Variants in POT1 observed in about 807,000 individuals in gnomAD.
The protein encoded by POT1 is protection of telomeres protein 1.
A neutral mutation model predicts 78.5 loss-of-function variants in POT1; 47 were observed. The observed-to-expected ratio is 0.60, with a 90% confidence interval of 0.47 to 0.76. POT1 has a LOEUF of 0.76. Ranked by LOEUF, POT1 falls within the 30% of genes least tolerant of loss-of-function variation. POT1 has a pLI of 0.00. For synonymous variants in POT1, 259 were observed against 260.7 expected (o/e 0.99, Z 0.06); for missense variants, 646 against 749.9 (o/e 0.86, Z 1.62).
At chr7:124,912,005 C>A (rs1239387906) in intron 3 of POT1, among the ~76,000 whole-genome samples, 3 of 152,024 alleles carry the variant, frequency 2.0e-5, no homozygotes, top group Non-Finnish European at 1.5e-5. Context: ...ACTCAAGGGC[C>A]AATAATTAAC....
chr7:124,925,103 G>A (rs990959261), intron 2 of POT1, among the ~76,000 whole-genome samples: 2 of 152,038 alleles, frequency 1.3e-5, no homozygotes, highest in African/African-American at 4.8e-5. Flanking sequence ...AGTACTGCAA[G>A]TCCTAGCCAG....
chr7:124,915,364 T>A (rs953124728), intron 3 of POT1, among the ~76,000 whole-genome samples: 3 of 152,182 alleles, frequency 2.0e-5, no homozygotes, highest in Non-Finnish European at 2.9e-5. Context: ...TACATCTATG[T>A]AACATGTTAA....
At chr7:124,843,766 G>A (rs1464450957) in intron 12 of POT1, among the ~76,000 whole-genome samples, 1 of 152,142 alleles carries the variant, frequency 6.6e-6, no homozygotes, top group African/African-American at 2.4e-5. Flanking sequence ...TTAGAAAAGG[G>A]AAATGATGTA....
rs1220705976 is a variant in POT1 at position 124,870,952 on chromosome 7, T to C, written c.214A>G (p.Ile72Val). ...FSGNYEALPIIYKNGDIVRFH... is the reference protein window; with the variant it reads ...FSGNYEALPIVYKNGDIVRFH... ...CGAACAATATCTCCATTTTTATAAATTATTGGAAGGGCTTCATAGTTTCCA... is the reference window on the plus strand; with the variant it reads ...CGAACAATATCTCCATTTTTATAAACTATTGGAAGGGCTTCATAGTTTCCA... The change falls in exon 7 of 19, where the codon ATT (isoleucine) becomes GTT (valine). Residue 72 changes from isoleucine to valine, a missense_variant. Ile to Val is a conservative substitution (Grantham distance 29). Transcript: ENST00000357628. 6.2e-7 allele frequency: 1 copy of C among 1,609,396 alleles called. No homozygotes were observed. The highest frequency in any genetic ancestry group is 8.5e-7 in the Non-Finnish European group (1 of 1,177,412).
chr7:124,888,299 C>T (rs571601392), intron 6 of POT1, among the ~76,000 whole-genome samples: 4 of 152,032 alleles, frequency 2.6e-5, no homozygotes, highest in Non-Finnish European at 4.4e-5. Context: ...TATTTCTAGG[C>T]GCTCTATTCA....
intron 11 of POT1, among the ~76,000 whole-genome samples, chr7:124,847,523 G>A (rs2023705073): frequency 6.6e-6 from 1 of 152,128 alleles, no homozygotes; most frequent in Admixed American, 6.5e-5. Flanking sequence ...AAATAGCAGA[G>A]GCTTTATTGT....
intron 2 of POT1, among the ~76,000 whole-genome samples, chr7:124,922,107 T>A (rs950009187): frequency 6.6e-6 from 1 of 151,630 alleles, no homozygotes; most frequent in East Asian, 1.9e-4. Context: ...ATCTCTATAG[T>A]CCTAAAAGAA....
intron 13 of POT1, 101 bp downstream of exon 13, chr7:124,842,706 T>C: frequency 3.3e-6 from 3 of 906,202 alleles, no homozygotes; most frequent in South Asian, 2.7e-5. Context: ...ATAATATATA[T>C]ATTAACAATT....
At chr7:124,895,880 T>C (rs1796480036) in intron 5 of POT1, among the ~76,000 whole-genome samples, 1 of 151,542 alleles carries the variant, frequency 6.6e-6, no homozygotes, top group South Asian at 2.1e-4. Flanking sequence ...ATATAGGGGA[T>C]AGTTTATATT....
intron 2 of POT1, among the ~76,000 whole-genome samples, chr7:124,922,173 T>C (rs1191648492): frequency 6.6e-6 from 1 of 151,680 alleles, no homozygotes; most frequent in East Asian, 1.9e-4. Flanking sequence ...AAAACAAACA[T>C]GAAATAAAGG....
chr7:124,862,589 G>A (rs2116538657), intron 8 of POT1, among the ~76,000 whole-genome samples: 1 of 152,228 alleles, frequency 6.6e-6, no homozygotes, highest in South Asian at 2.1e-4. Flanking sequence ...TAACTTCTCT[G>A]TTTTTTAATA....
chr7:124,841,058 A>G lies in POT1; in HGVS notation c.1284T>C (p.Asn428=), dbSNP rs141341950. The change falls in exon 14 of 19, where the codon AAT becomes AAC. Residue 428 remains asparagine (N), a synonymous_variant. Transcript: ENST00000357628. ...GAACTGCTACTTTTCGTCCTTTTTG[A>G]TTTTTAGTGGTCCAGATTTTTGAAT... ...LYDSKIWTTK[N]QKGRKVAVHF... 3.6e-5 allele frequency: 58 copies of G among 1,612,518 alleles called. No homozygotes were observed. The highest frequency in any genetic ancestry group is 4.7e-5 in the Non-Finnish European group (55 of 1,179,076).
intron 2 of POT1, among the ~76,000 whole-genome samples, chr7:124,916,011 T>C (rs2116698630): frequency 6.6e-6 from 1 of 152,196 alleles, no homozygotes; most frequent in South Asian, 2.1e-4. Context: ...GAAAACTTAA[T>C]AAAGATTTAG....
intron 3 of POT1, among the ~76,000 whole-genome samples, chr7:124,912,012 T>C (rs1487420522): frequency 1.3e-5 from 2 of 152,150 alleles, no homozygotes; most frequent in African/African-American, 4.8e-5. Context: ...GGCCAATAAT[T>C]AACTGAAGAA....
In POT1 at chr7:124,822,806, G is replaced by A. The variant is rs965152812; in HGVS notation, c.*1156C>T. On this transcript the variant is annotated 3_prime_UTR_variant, in exon 19 of 19. Transcript: ENST00000357628. ...AGGAACTAGAATTTAGAGTTATTAT[G>A]AGCAAAGAAAGTCAGTTATCCAATC... 20 of 174,964 alleles carry A rather than the reference G, an allele frequency of 1.1e-4. No homozygotes were observed. The highest frequency in any genetic ancestry group is 7.7e-4 in the Admixed American group (14 of 18,174). 10.8% of individuals were successfully genotyped at this position (174,964 alleles called of 1,614,324 possible).
At chr7:124,888,185 T>C (rs1409975871) in intron 6 of POT1, among the ~76,000 whole-genome samples, 2 of 152,104 alleles carry the variant, frequency 1.3e-5, no homozygotes, top group East Asian at 3.9e-4. Flanking sequence ...TGCATGTGGA[T>C]ATACAGTTTT....
intron 12 of POT1, 169 bp from the exon 13 acceptor site, chr7:124,843,132 C>G (rs1795070968): frequency 2.2e-6 from 1 of 457,506 alleles, no homozygotes; most frequent in East Asian, 3.5e-5. Context: ...CCAAGGCCCA[C>G]TAGCATAGTG....
At chr7:124,897,293 C>T in intron 4 of POT1, 81 bp from the exon 5 acceptor site, 1 of 463,988 alleles carries the variant, frequency 2.2e-6, no homozygotes, top group Non-Finnish European at 3.8e-6. Flanking sequence ...AGTAAAAGTA[C>T]ACACTTACTT....
At chr7:124,833,263 G>C (rs947408601) in intron 15 of POT1, among the ~76,000 whole-genome samples, 1 of 152,250 alleles carries the variant, frequency 6.6e-6, no homozygotes, top group East Asian at 1.9e-4. Context: ...ATGTTGGAAG[G>C]ACAGAGGGCA....
Sources: allele counts gnomAD v4.1 joint callset (sites outside exome capture counted in the v4.1 genomes callset), GRCh38; gene constraint gnomAD v4.1.1; transcripts MANE v1.5; gene names NCBI Gene and HGNC (gene_info 2026-07-23, HGNC 2026-07-21).